SRGAP1: variants seen among roughly 807,000 people sequenced by gnomAD.
The protein encoded by SRGAP1 is SLIT-ROBO Rho GTPase activating protein 1, also known as SLIT-ROBO Rho GTPase-activating protein 1.
Under a neutral mutation model 121.9 loss-of-function variants are expected in SRGAP1, and 43 were observed. The observed-to-expected ratio is 0.35, with a 90% confidence interval of 0.28 to 0.46. SRGAP1 has a LOEUF of 0.46. SRGAP1 is among the 20% of genes least tolerant of loss of function. The probability of loss-of-function intolerance (pLI) is 1.00; values close to 1 mark genes in which losing one functional copy is unlikely to be tolerated. For synonymous variants in SRGAP1, 447 were observed against 485.4 expected (o/e 0.92, Z 1.04); for missense variants, 1,102 against 1,350.9 (o/e 0.82, Z 2.89).
At chr12:63,960,756 A>G (rs577154804) in intron 1 of SRGAP1, among the ~76,000 whole-genome samples, 1 of 152,276 alleles carries the variant, frequency 6.6e-6, no homozygotes, top group Admixed American at 6.5e-5. Flanking sequence ...CAGGGATGCA[A>G]GAGAGTCAGA....
chr12:63,997,313 G>A (rs2033741161), intron 3 of SRGAP1, among the ~76,000 whole-genome samples: 1 of 151,996 alleles, frequency 6.6e-6, no homozygotes, highest in Non-Finnish European at 1.5e-5. Flanking sequence ...TATAGAACAG[G>A]TATATAGTAG....
At chr12:63,928,041 C>G (rs2031325407) in intron 1 of SRGAP1, among the ~76,000 whole-genome samples, 1 of 152,118 alleles carries the variant, frequency 6.6e-6, no homozygotes, top group Non-Finnish European at 1.5e-5. Context: ...CAGGAACCCA[C>G]TCAGGATATG....
chr12:64,082,713 G>A (rs2035869766), intron 10 of SRGAP1, among the ~76,000 whole-genome samples: 1 of 152,198 alleles, frequency 6.6e-6, no homozygotes, highest in African/African-American at 2.4e-5. Context: ...CTCCCAAAGT[G>A]CTGAGATTAC....
At chr12:63,961,862 G>C (rs2032652514) in intron 1 of SRGAP1, among the ~76,000 whole-genome samples, 1 of 152,206 alleles carries the variant, frequency 6.6e-6, no homozygotes. Flanking sequence ...ATGGGATGGA[G>C]TGACGGAGGT....
chr12:64,053,212 A>G (rs2035272643), intron 6 of SRGAP1, among the ~76,000 whole-genome samples: 1 of 152,214 alleles, frequency 6.6e-6, no homozygotes. Flanking sequence ...GTAAGGGGCC[A>G]GATGGTAAAT....
At chr12:63,878,174 A>G (rs1900086597) in intron 1 of SRGAP1, among the ~76,000 whole-genome samples, 1 of 152,150 alleles carries the variant, frequency 6.6e-6, no homozygotes, top group South Asian at 2.1e-4. Context: ...TATGGATATC[A>G]TTATCTGTAC....
intron 8 of SRGAP1, among the ~76,000 whole-genome samples, chr12:64,068,336 G>GA (rs903038590): frequency 5.4e-5 from 8 of 147,604 alleles, no homozygotes; most frequent in East Asian, 4.1e-4. Flanking sequence ...TCTGGCCCAT[G>GA]AAAAAAAAAT....
chr12:63,880,705 T>G (rs1900166853), intron 1 of SRGAP1, among the ~76,000 whole-genome samples: 1 of 152,206 alleles, frequency 6.6e-6, no homozygotes. Context: ...ATCCCCTGTG[T>G]TCTGGCAGCA....
At chr12:64,108,377 G>A (rs944675280) in intron 15 of SRGAP1, among the ~76,000 whole-genome samples, 2 of 152,068 alleles carry the variant, frequency 1.3e-5, no homozygotes, top group African/African-American at 2.4e-5. Flanking sequence ...GAATTGTATT[G>A]CTAATGTATT....
intron 4 of SRGAP1, among the ~76,000 whole-genome samples, chr12:64,021,724 T>C (rs112807199): frequency 2.6e-5 from 4 of 152,322 alleles, no homozygotes; most frequent in African/African-American, 9.6e-5. Context: ...CATTTATAGT[T>C]TTTAGAATCA....
At chr12:64,129,972 C>T (rs1246674688) in intron 21 of SRGAP1, among the ~76,000 whole-genome samples, 1 of 140,674 alleles carries the variant, frequency 7.1e-6, no homozygotes, top group South Asian at 2.1e-4. Context: ...CTCAGCAGGT[C>T]GTGGTTGTTG....
In SRGAP1 at chr12:64,150,939, A is replaced by AAAAAAAAAAAAAC. The variant is rs1213708031; in HGVS notation, c.*8279_*8280insCAAAAAAAAAAAA. ...GGAAGAGTGAGAAGCTATCTCAAAA[A>AAAAAAAAAAAAAC]AAAAAAAAAAAAAAAAAAAAACATG... On this transcript the variant is annotated 3_prime_UTR_variant, in exon 22 of 22. Transcript: ENST00000355086. 1 of 130,054 alleles carries AAAAAAAAAAAAAC rather than the reference A, an allele frequency of 7.7e-6. No individual in the cohort carries two copies. The allele number at this position is 130,054 out of a possible 1,614,324, so 8.1% of individuals were successfully genotyped here.
At chr12:63,900,206 T>TTTTCTTTTTTTTC (rs1900898000) in intron 1 of SRGAP1, among the ~76,000 whole-genome samples, 1 of 85,694 alleles carries the variant, frequency 1.2e-5, no homozygotes, top group Non-Finnish European at 2.4e-5. Context: ...TTCTTTTTCT[T>TTTTCTTTTTTTTC]TTTTTTTTTT....
At chr12:63,970,718 G>A (rs1003166163) in intron 1 of SRGAP1, among the ~76,000 whole-genome samples, 1 of 152,068 alleles carries the variant, frequency 6.6e-6, no homozygotes, top group Non-Finnish European at 1.5e-5. Flanking sequence ...ATCCTTGAAC[G>A]TAGCTGGAAC....
intron 1 of SRGAP1, among the ~76,000 whole-genome samples, chr12:63,927,222 C>T (rs1266031927): frequency 6.6e-6 from 1 of 152,182 alleles, no homozygotes; most frequent in Admixed American, 6.5e-5. Flanking sequence ...GTCATCCATT[C>T]CTATTCTACA....
intron 4 of SRGAP1, among the ~76,000 whole-genome samples, chr12:64,018,283 G>T (rs2034460770): frequency 6.6e-6 from 1 of 152,194 alleles, no homozygotes; most frequent in South Asian, 2.1e-4. Flanking sequence ...TAGAGACAGG[G>T]TTTCGCCATG....
chr12:63,995,226 A>G (rs2033663584), intron 3 of SRGAP1, among the ~76,000 whole-genome samples: 1 of 152,208 alleles, frequency 6.6e-6, no homozygotes, highest in Non-Finnish European at 1.5e-5. Flanking sequence ...GTACAATATA[A>G]TTCATCTTGT....
At chr12:64,050,394 C>G (rs1015700700) in intron 6 of SRGAP1, among the ~76,000 whole-genome samples, 1 of 152,174 alleles carries the variant, frequency 6.6e-6, no homozygotes, top group African/African-American at 2.4e-5. Flanking sequence ...TCTAGGACTT[C>G]CAGTGATCAC....
At chr12:64,111,181 C>T (rs1403574623) in intron 16 of SRGAP1, among the ~76,000 whole-genome samples, 1 of 152,110 alleles carries the variant, frequency 6.6e-6, no homozygotes, top group East Asian at 1.9e-4. Flanking sequence ...ATTCTTTTCC[C>T]CTTTTCTTGT....
Sources: gnomAD v4.1 joint callset for allele counts (sites outside exome capture counted in the v4.1 genomes callset) on GRCh38, gnomAD v4.1.1 for gene constraint, MANE v1.5 for transcripts, NCBI Gene and HGNC (gene_info 2026-07-23, HGNC 2026-07-21) for gene names.